The following STYK1 variants were observed in gnomAD, a reference collection of about 807,000 sequenced individuals.
The protein encoded by STYK1 is tyrosine-protein kinase STYK1.
Under a neutral mutation model 48.1 loss-of-function variants are expected in STYK1, and 46 were observed. That is an observed-to-expected ratio of 0.96 (90% CI 0.75 to 1.22). The LOEUF is 1.22. Ranked by LOEUF, STYK1 falls within the 50% of genes most tolerant of loss-of-function variation. STYK1 has a pLI of 0.00. For missense variants in STYK1, 527 were observed against 521.1 expected (o/e 1.01, Z -0.11); for synonymous variants, 188 against 189.0 (o/e 0.99, Z 0.04).
intron 4 of STYK1, 122 bp from the exon 5 acceptor site, chr12:10,631,430 G>A (rs1947428350): frequency 4.2e-6 from 5 of 1,179,296 alleles, no homozygotes; most frequent in African/African-American, 3.1e-5. Flanking sequence ...ATGGGGAGTT[G>A]TCTTCTGATG....
intron 7 of STYK1, among the ~76,000 whole-genome samples, chr12:10,626,795 G>C (rs867806931): frequency 1.3e-5 from 2 of 151,878 alleles, no homozygotes; most frequent in African/African-American, 4.8e-5. Flanking sequence ...TCACGAGGTC[G>C]GGAGATCGAG....
chr12:10,626,245 A>T (rs1025379613), intron 7 of STYK1, among the ~76,000 whole-genome samples: 2 of 152,232 alleles, frequency 1.3e-5, no homozygotes, highest in Non-Finnish European at 2.9e-5. Context: ...AACAGGTAGC[A>T]TAGGGTCCTG....
At position 10,629,678 on chromosome 12, in the gene STYK1, T is replaced by C. The variant is rs1947400545; in HGVS notation, c.452-4A>G. On this transcript the variant is annotated splice_region_variant and splice_polypyrimidine_tract_variant and intron_variant, in intron 5 of 10. Transcript: ENST00000075503. ...ACCTCATGGAGCCCAGCTGGTTCTGTAGAGGACGAAAGATCCAGGCAGTGA... is the reference window on the plus strand; with the variant it reads ...ACCTCATGGAGCCCAGCTGGTTCTGCAGAGGACGAAAGATCCAGGCAGTGA... 3.7e-6 allele frequency: 6 copies of C among 1,613,952 alleles called. No homozygotes were observed. Among genetic ancestry groups the C allele is most frequent in the African/African-American group, 2.7e-5 (2 of 74,900 alleles).
intron 1 of STYK1, among the ~76,000 whole-genome samples, chr12:10,637,626 C>T (rs1445871072): frequency 6.6e-6 from 1 of 152,146 alleles, no homozygotes; most frequent in African/African-American, 2.4e-5. Context: ...CAGGCATGAG[C>T]CACTGCGCCT....
chr12:10,641,829 C>T (rs1274545044), intron 1 of STYK1, among the ~76,000 whole-genome samples: 1 of 152,160 alleles, frequency 6.6e-6, no homozygotes, highest in Non-Finnish European at 1.5e-5. Flanking sequence ...GTTTCCCCTC[C>T]CTAGGGAGTG....
In STYK1 at chr12:10,631,255, C is replaced by T. The variant is rs376952060; in HGVS notation, c.241G>A (p.Gly81Arg). The T allele has an allele frequency of 5.9e-5, 95 of 1,614,128 alleles. No homozygotes were observed. Among genetic ancestry groups the T allele is most frequent in the Non-Finnish European group, 7.5e-5 (88 of 1,180,050 alleles). Reference sequence around the variant, plus strand: ...TCCTTAAGTGGCAAAGCCACATTTCCTCCATGTCCTGCTTCCCAGCTTAGG... The same window carrying T: ...TCCTTAAGTGGCAAAGCCACATTTCTTCCATGTCCTGCTTCCCAGCTTAGG... The part of the protein sequence containing the change: ...RDLSWEAGHG[G>R]NVALPLKETS... The change falls in exon 5 of 11, where the codon GGA becomes AGA. Residue 81 changes from glycine (G) to arginine (R), a missense_variant. Physicochemically the swap from Gly to Arg is moderately radical, Grantham distance 125 (BLOSUM62 -2). Transcript: ENST00000075503.
chr12:10,623,426 C>A (rs767867162), intron 8 of STYK1, among the ~76,000 whole-genome samples: 3 of 152,180 alleles, frequency 2.0e-5, no homozygotes, highest in Non-Finnish European at 4.4e-5. Flanking sequence ...CAATGCACTT[C>A]TCCAAGCAAT....
intron 7 of STYK1, among the ~76,000 whole-genome samples, chr12:10,626,690 G>A (rs1420954202): frequency 2.0e-5 from 3 of 152,096 alleles, no homozygotes; most frequent in Non-Finnish European, 2.9e-5. Flanking sequence ...TAAACCCTGA[G>A]TTCTTTCTCT....
chr12:10,643,915 T>C (rs1947572399), intron 1 of STYK1, among the ~76,000 whole-genome samples: 1 of 152,236 alleles, frequency 6.6e-6, no homozygotes, highest in Non-Finnish European at 1.5e-5. Flanking sequence ...GCTTGTTTTA[T>C]TCTAAGTATC....
At chr12:10,663,425 C>G (rs762807850) in intron 1 of STYK1, among the ~76,000 whole-genome samples, 1 of 151,752 alleles carries the variant, frequency 6.6e-6, no homozygotes, top group East Asian at 1.9e-4. Context: ...ACAGTGAAAC[C>G]CGTCTCTACT....
intron 1 of STYK1, among the ~76,000 whole-genome samples, chr12:10,639,008 G>A (rs556205691): frequency 1.3e-5 from 2 of 152,320 alleles, no homozygotes; most frequent in South Asian, 2.1e-4. Context: ...TGGGCTATGG[G>A]GCAGAGGACT....
At chr12:10,643,472 T>A (rs1226923848) in intron 1 of STYK1, among the ~76,000 whole-genome samples, 1 of 152,264 alleles carries the variant, frequency 6.6e-6, no homozygotes, top group South Asian at 2.1e-4. Context: ...TCAAGACAGC[T>A]CTACTTCTTC....
At chr12:10,642,470 C>T (rs531036069) in intron 1 of STYK1, among the ~76,000 whole-genome samples, 9 of 152,272 alleles carry the variant, frequency 5.9e-5, no homozygotes, top group South Asian at 2.1e-4. Flanking sequence ...AGAGCCATTG[C>T]GATCATCAAT....
At chr12:10,665,872 A>G (rs1947828731) in intron 1 of STYK1, among the ~76,000 whole-genome samples, 2 of 152,236 alleles carry the variant, frequency 1.3e-5, no homozygotes, top group Non-Finnish European at 2.9e-5. Context: ...CTGTGAGGAA[A>G]GACCACAGAA....
chr12:10,655,675 T>C (rs2120763129), intron 1 of STYK1, among the ~76,000 whole-genome samples: 1 of 152,320 alleles, frequency 6.6e-6, no homozygotes, highest in African/African-American at 2.4e-5. Flanking sequence ...GCTAATCATC[T>C]CTTTTAAAAT....
chr12:10,634,807 C>A, intron 2 of STYK1, 121 bp from the exon 3 acceptor site: 1 of 611,510 alleles, frequency 1.6e-6, no homozygotes, highest in South Asian at 2.1e-5. Context: ...CTCTCTGAGT[C>A]ATCCGTTTAT....
At chr12:10,628,236 T>C (rs990606109) in intron 6 of STYK1, among the ~76,000 whole-genome samples, 1 of 152,192 alleles carries the variant, frequency 6.6e-6, no homozygotes, top group Non-Finnish European at 1.5e-5. Flanking sequence ...TGGTTACATA[T>C]CTGTAAGTGC....
At chr12:10,650,065 T>C (rs1947644817) in intron 1 of STYK1, among the ~76,000 whole-genome samples, 1 of 120,982 alleles carries the variant, frequency 8.3e-6, no homozygotes, top group African/African-American at 3.2e-5. Context: ...TGAGCCGAGA[T>C]CGCACCACTG....
chr12:10,665,012 C>G (rs17742529), intron 1 of STYK1, among the ~76,000 whole-genome samples: 5 of 151,502 alleles, frequency 3.3e-5, no homozygotes, highest in Admixed American at 2.6e-4. Flanking sequence ...AGATGTGGGA[C>G]CTTCCAATCA....
Sources: allele counts gnomAD v4.1 joint callset (sites outside exome capture counted in the v4.1 genomes callset), GRCh38; gene constraint gnomAD v4.1.1; transcripts MANE v1.5; gene names NCBI Gene and HGNC (gene_info 2026-07-23, HGNC 2026-07-21).